TIMP2: variants seen among roughly 807,000 people sequenced by gnomAD.
TIMP2 encodes the protein TIMP metallopeptidase inhibitor 2.
TIMP2 carries 5 observed loss-of-function variants against 24.3 expected under a neutral mutation model. The ratio of observed to expected loss-of-function variants is 0.21; its 90% confidence interval spans 0.11 to 0.43. TIMP2 has a LOEUF of 0.43. Ranked by LOEUF, TIMP2 falls within the 20% of genes least tolerant of loss-of-function variation. The pLI is 1.00. For synonymous variants in TIMP2, 130 were observed against 123.2 expected (o/e 1.06, Z -0.37); for missense variants, 221 against 297.5 (o/e 0.74, Z 1.89).
chr17:78,890,939 T>C, intron 1 of TIMP2: 1 of 1,551,058 alleles, frequency 6.4e-7, no homozygotes, highest in South Asian at 1.2e-5. Flanking sequence ...GTGTTCCATT[T>C]GTTCAAGCGA....
chr17:78,922,435 T>G (rs1421303605), intron 1 of TIMP2: 1 of 152,174 alleles, frequency 6.6e-6, no homozygotes, highest in Non-Finnish European at 1.5e-5. Flanking sequence ...ATGACCTTAT[T>G]TGGAAATAGA....
In TIMP2 at chr17:78,855,721, C is replaced by T; in HGVS notation, c.609G>A (p.Trp203Ter). ...GCTTGGGGGGCGCCGCGCCGCGGTA[C>T]CACGCACAGGAGCCGTCACTTCTCT... is the stretch of plus-strand genomic sequence containing the variant. ...CIKRSDGSCA[W>*]YRGAAPPKQE... Residue 203 changes from tryptophan (W) to a stop codon, truncating the protein, a stop_gained, in exon 5 of 5, where the codon TGG becomes TGA. Transcript: ENST00000262768. LOFTEE classifies it high-confidence loss of function. This position sits in a 1 kb window ranked among gnomAD's most constrained non-coding sequence, Gnocchi z 6.0. 1 of 1,614,162 alleles carries T rather than the reference C, an allele frequency of 6.2e-7. No homozygotes were observed. The highest frequency in any genetic ancestry group is 8.5e-7 in the Non-Finnish European group (1 of 1,180,042).
chr17:78,914,331 G>A (rs936993272), intron 1 of TIMP2, among the ~76,000 whole-genome samples: 3 of 151,814 alleles, frequency 2.0e-5, no homozygotes, highest in African/African-American at 7.3e-5. Context: ...CAGGCTGGAT[G>A]GAGTACGGTG....
chr17:78,910,771 T>C (rs1039227244), intron 1 of TIMP2, among the ~76,000 whole-genome samples: 1 of 152,196 alleles, frequency 6.6e-6, no homozygotes, highest in Non-Finnish European at 1.5e-5. Flanking sequence ...AATGACAAGA[T>C]TTCATTCTGT....
At chr17:78,923,370 C>G (rs983670894) in intron 1 of TIMP2, among the ~76,000 whole-genome samples, 1 of 42,234 alleles carries the variant, frequency 2.4e-5, no homozygotes, top group African/African-American at 1.0e-4. Flanking sequence ...TCCCACACAG[C>G]TGAGGAGTGT....
intron 3 of TIMP2, among the ~76,000 whole-genome samples, chr17:78,869,641 T>C (rs758031303): frequency 6.6e-6 from 1 of 151,956 alleles, no homozygotes; most frequent in Non-Finnish European, 1.5e-5. Flanking sequence ...TGAAACCCTG[T>C]CTGTACTAAA....
intron 1 of TIMP2, among the ~76,000 whole-genome samples, chr17:78,878,375 C>A (rs148785290): frequency 6.6e-6 from 1 of 152,280 alleles, no homozygotes; most frequent in Non-Finnish European, 1.5e-5. Flanking sequence ...GTTAGAGGGG[C>A]TGGTGTGGAG....
chr17:78,859,611 C>T (rs1200250674), intron 3 of TIMP2, among the ~76,000 whole-genome samples: 1 of 149,862 alleles, frequency 6.7e-6, no homozygotes, highest in Non-Finnish European at 1.5e-5. Flanking sequence ...TGCAGTGAGC[C>T]GAGATTGCAA....
In TIMP2 at chr17:78,853,561, T is replaced by G. The variant is rs1410462302; in HGVS notation, c.*2106A>C. 1 of 152,400 alleles carries G rather than the reference T, an allele frequency of 6.6e-6. No homozygotes were observed. The highest frequency in any genetic ancestry group is 2.4e-5 in the African/African-American group (1 of 41,434). The allele number at this position is 152,400 out of a possible 1,614,324, so 9.4% of individuals were successfully genotyped here. Reference sequence around the variant, plus strand: ...TCCTTTACTTTGCAATAATTTGAACTGGAGAACCAAAGACGGGAGACGAAT... The same window carrying G: ...TCCTTTACTTTGCAATAATTTGAACGGGAGAACCAAAGACGGGAGACGAAT... On this transcript the variant is annotated 3_prime_UTR_variant, in exon 5 of 5. Transcript: ENST00000262768.
Position 78,890,175 on chromosome 17 carries a change from C to A in TIMP2, c.131-16256G>T, listed in dbSNP as rs138644648. Among the ~76,000 whole-genome samples the A allele has an allele frequency of 2.0e-4, 31 of 151,588 alleles. No homozygotes were observed. In the East Asian group the frequency reaches 6.0e-3, roughly 30 times the overall value. On this transcript the variant is annotated intron_variant, in intron 1 of 4. Transcript: ENST00000262768. Reference sequence around the variant, plus strand: ...GAAAGAGTCCCTGTGAGGGAATGTGCCCTGGAGGACGGTATAATGACAGAT... The same window carrying A: ...GAAAGAGTCCCTGTGAGGGAATGTGACCTGGAGGACGGTATAATGACAGAT...
intron 1 of TIMP2, among the ~76,000 whole-genome samples, chr17:78,907,484 G>A (rs1599173508): frequency 6.6e-6 from 1 of 152,192 alleles, no homozygotes; most frequent in Admixed American, 6.6e-5. Context: ...AATTAACTTT[G>A]CCATCTCATG....
intron 1 of TIMP2, among the ~76,000 whole-genome samples, chr17:78,912,791 G>T (rs1486293143): frequency 3.3e-5 from 5 of 152,220 alleles, no homozygotes; most frequent in African/African-American, 1.2e-4. Flanking sequence ...CAGCTGGTAA[G>T]TAATTTAGAC....
chr17:78,895,984 C>T (rs1212982530), intron 1 of TIMP2, among the ~76,000 whole-genome samples: 10 of 152,256 alleles, frequency 6.6e-5, no homozygotes, highest in Non-Finnish European at 1.5e-4. Flanking sequence ...GCCCCACTGG[C>T]GTGGGCATCC....
At position 78,919,111 on chromosome 17, in the gene TIMP2, C is replaced by T. The variant is rs375573369; in HGVS notation, c.130+5848G>A. Among the ~76,000 whole-genome samples, 10 of 152,364 alleles carry T rather than the reference C, an allele frequency of 6.6e-5. No homozygotes were observed. In the East Asian group the frequency reaches 1.3e-3, roughly 21 times the overall value. On this transcript the variant is annotated intron_variant, in intron 1 of 4. Coordinates refer to ENST00000262768, the MANE Select transcript of TIMP2 (RefSeq NM_003255.5). ...ACTGGTCTATGCCAACTTTGGCGGGCGGCAGCAGCACCTGGAGAGTCCTGA... is the reference window on the plus strand; with the variant it reads ...ACTGGTCTATGCCAACTTTGGCGGGTGGCAGCAGCACCTGGAGAGTCCTGA...
chr17:78,857,422 G>T (rs2145744070), intron 4 of TIMP2, 100 bp downstream of exon 4: 1 of 1,502,744 alleles, frequency 6.7e-7, no homozygotes, highest in East Asian at 2.3e-5. Flanking sequence ...TCAGGAGCCG[G>T]GGATTAACGG....
At chr17:78,884,175 C>T (rs1215181122) in intron 1 of TIMP2, among the ~76,000 whole-genome samples, 1 of 152,200 alleles carries the variant, frequency 6.6e-6, no homozygotes, top group East Asian at 1.9e-4. Flanking sequence ...GAGGAAACCC[C>T]TACCCATCCC....
intron 1 of TIMP2, among the ~76,000 whole-genome samples, chr17:78,877,042 G>A (rs529350925): frequency 5.1e-4 from 78 of 152,316 alleles, no homozygotes; most frequent in African/African-American, 1.8e-3. Context: ...GTCCTAACAG[G>A]TTGAGGCTAG....
At position 78,896,303 on chromosome 17, in the gene TIMP2, G is replaced by A. The variant is rs1398048338; in HGVS notation, c.131-22384C>T. Among the ~76,000 whole-genome samples, 1 of 152,186 alleles carries A rather than the reference G, an allele frequency of 6.6e-6. No homozygotes were observed. Among genetic ancestry groups the A allele is most frequent in the Non-Finnish European group, 1.5e-5 (1 of 68,034 alleles). On this transcript the variant is annotated intron_variant, in intron 1 of 4. Transcript: ENST00000262768. This position sits in a 1 kb window ranked among gnomAD's most constrained non-coding sequence, Gnocchi z 4.4. The stretch of plus-strand genomic sequence containing the variant: ...CCAAGATGACCAAGGAGAAACAGCC[G>A]TTCACCTGTTGCACAGCCTGCTGGG...
rs1257268750 is a variant in TIMP2 at position 78,895,009 on chromosome 17, G to A, written c.131-21090C>T. 3.3e-5 allele frequency among the ~76,000 whole-genome samples: 5 copies of A among 152,126 alleles called. 1 individual carries two copies. The highest frequency in any genetic ancestry group is 2.0e-4 in the Admixed American group (3 of 15,268). The stretch of plus-strand genomic sequence containing the variant: ...AAATCAGCAAAAGAAGGACAGGTGT[G>A]GCAGCTCACACCTGTAATCCCAGCA... On this transcript the variant is annotated intron_variant, in intron 1 of 4. Coordinates refer to ENST00000262768, the MANE Select transcript of TIMP2 (RefSeq NM_003255.5).
Sources: gnomAD v4.1 joint callset for allele counts (sites outside exome capture counted in the v4.1 genomes callset) on GRCh38, gnomAD v4.1.1 for gene constraint, Gnocchi (gnomAD v3.1) non-coding constraint, MANE v1.5 for transcripts, NCBI Gene and HGNC (gene_info 2026-07-23, HGNC 2026-07-21) for gene names.